HNF4G: variants seen among roughly 807,000 people sequenced by gnomAD.
HNF4G encodes hepatocyte nuclear factor 4-gamma.
Under a neutral mutation model 50.9 loss-of-function variants are expected in HNF4G, and 21 were observed. The observed-to-expected ratio is 0.41, with a 90% CI of 0.29 to 0.59. The LOEUF is 0.59. HNF4G is among the 20% of genes least tolerant of loss of function. The probability of loss-of-function intolerance (pLI) is 0.26; values close to 1 mark genes in which losing one functional copy is unlikely to be tolerated. For synonymous variants in HNF4G, 198 were observed against 185.6 expected, an observed-to-expected ratio of 1.07 and a Z score of -0.54; for missense variants, 527 against 559.4, an observed-to-expected ratio of 0.94 and a Z score of 0.58.
intron 1 of HNF4G, among the ~76,000 whole-genome samples, chr8:75,409,608 C>G (rs751178958): frequency 2.0e-5 from 3 of 150,956 alleles, no homozygotes; most frequent in African/African-American, 7.3e-5. Context: ...CCTTCCTCAG[C>G]CTCCAGAGTA....
intron 1 of HNF4G, among the ~76,000 whole-genome samples, chr8:75,464,911 G>T (rs997393355): frequency 6.6e-6 from 1 of 152,166 alleles, no homozygotes; most frequent in Admixed American, 6.5e-5. Flanking sequence ...AAGAACAAGA[G>T]AATATGTTGG....
chr8:75,459,812 C>T (rs1177223814), intron 1 of HNF4G, among the ~76,000 whole-genome samples: 3 of 152,240 alleles, frequency 2.0e-5, no homozygotes, highest in African/African-American at 7.2e-5. Context: ...CCTAGAAAAG[C>T]CCTCCAGGAC....
chr8:75,539,176 T>A (rs1806544038), upstream of HNF4G, among the ~76,000 whole-genome samples: 1 of 152,182 alleles, frequency 6.6e-6, no homozygotes, highest in African/African-American at 2.4e-5. Context: ...TATTTCAGTT[T>A]AATGACATCA....
intron 1 of HNF4G, among the ~76,000 whole-genome samples, chr8:75,442,609 A>G (rs886453558): frequency 6.6e-6 from 1 of 152,042 alleles, no homozygotes; most frequent in Admixed American, 6.6e-5. Context: ...AAATATGTTA[A>G]AAATAGGAAG....
At chr8:75,559,970 G>T (rs576827330) in intron 8 of HNF4G, among the ~76,000 whole-genome samples, 16 of 152,166 alleles carry the variant, frequency 1.1e-4, no homozygotes, top group African/African-American at 1.9e-4. Context: ...TGCATAATTT[G>T]TTCCTAATGA....
At position 75,411,283 on chromosome 8, in the gene HNF4G, G is replaced by A. The variant is rs75455022; in HGVS notation, c.-144+3121G>A. ...TTACACTACCCACAAACCAAACCAT[G>A]TCCCTTTGTTCTTGGCTGAATATTC... On this transcript the variant is annotated intron_variant, in intron 1 of 10. Transcript: ENST00000354370. Among the ~76,000 whole-genome samples the A allele has an allele frequency of 4.5e-3, 681 of 152,302 alleles. 3 individuals are homozygous for A. Among genetic ancestry groups the A allele is most frequent in the Non-Finnish European group, 7.3e-3 (495 of 68,032 alleles).
chr8:75,452,233 A>C (rs148435622), intron 1 of HNF4G, among the ~76,000 whole-genome samples: 7 of 152,282 alleles, frequency 4.6e-5, no homozygotes, highest in African/African-American at 1.4e-4. Context: ...AAAAGTTATA[A>C]TATTCATTGT....
At chr8:75,475,732 T>A (rs901891096) in intron 1 of HNF4G, among the ~76,000 whole-genome samples, 1 of 152,168 alleles carries the variant, frequency 6.6e-6, no homozygotes, top group African/African-American at 2.4e-5. Flanking sequence ...TTTATTGTTT[T>A]TATTTTAAAG....
intron 1 of HNF4G, among the ~76,000 whole-genome samples, chr8:75,441,047 G>A (rs924750876): frequency 3.3e-5 from 5 of 151,880 alleles, no homozygotes; most frequent in Non-Finnish European, 4.4e-5. Flanking sequence ...GTAGAGATAA[G>A]GTTTTGCTAT....
intron 2 of HNF4G, among the ~76,000 whole-genome samples, chr8:75,501,787 A>C (rs925224784): frequency 6.6e-6 from 1 of 152,168 alleles, no homozygotes; most frequent in African/African-American, 2.4e-5. Flanking sequence ...GGAATGACTG[A>C]ATCAAGCTAA....
At position 75,500,264 on chromosome 8, in the gene HNF4G, G is replaced by A. The variant is rs1478604503; in HGVS notation, c.-24+10056G>A. 2.0e-5 allele frequency among the ~76,000 whole-genome samples: 3 copies of A among 152,084 alleles called. No individual in the cohort carries two copies. In the East Asian group the frequency reaches 5.8e-4, roughly 29 times the overall value. ...ATATATAAACGAACAATAAGCACATGAAAAAATGTCCAACATCGTTAGTCA... is the reference window on the plus strand; with the variant it reads ...ATATATAAACGAACAATAAGCACATAAAAAAATGTCCAACATCGTTAGTCA... On this transcript the variant is annotated intron_variant, in intron 2 of 10. Transcript: ENST00000354370.
intron 2 of HNF4G, among the ~76,000 whole-genome samples, chr8:75,534,514 T>C (rs566261031): frequency 6.6e-6 from 1 of 151,922 alleles, no homozygotes; most frequent in Non-Finnish European, 1.5e-5. Flanking sequence ...TTAATAACGA[T>C]AGTTTTTACT....
intron 1 of HNF4G, among the ~76,000 whole-genome samples, chr8:75,413,828 G>T (rs967940424): frequency 6.6e-6 from 1 of 151,808 alleles, no homozygotes; most frequent in Non-Finnish European, 1.5e-5. Context: ...TTACACTCCA[G>T]CCTGGACGAC....
chr8:75,466,308 C>A (rs1358958175), intron 1 of HNF4G, among the ~76,000 whole-genome samples: 1 of 152,088 alleles, frequency 6.6e-6, no homozygotes, highest in East Asian at 1.9e-4. Flanking sequence ...CAACTTTTTT[C>A]TTTTCTCAAA....
intron 1 of HNF4G, among the ~76,000 whole-genome samples, chr8:75,444,606 TA>T (rs1192541856): frequency 8.1e-6 from 1 of 123,410 alleles, no homozygotes; most frequent in Non-Finnish European, 1.7e-5. Context: ...AATGGAAAAC[TA>T]AAAAAGGCAG....
At chr8:75,457,304 G>A (rs1418932215) in intron 1 of HNF4G, among the ~76,000 whole-genome samples, 2 of 152,162 alleles carry the variant, frequency 1.3e-5, no homozygotes, top group Non-Finnish European at 2.9e-5. Flanking sequence ...TTGTATTAAT[G>A]CTCTGGCACC....
intron 1 of HNF4G, among the ~76,000 whole-genome samples, chr8:75,435,288 A>T (rs890732862): frequency 2.6e-5 from 4 of 152,256 alleles, no homozygotes; most frequent in African/African-American, 9.6e-5. Flanking sequence ...TTTATAGGTT[A>T]AAAGTAAAAT....
At chr8:75,508,884 C>T (rs981401040) in intron 2 of HNF4G, among the ~76,000 whole-genome samples, 1 of 152,114 alleles carries the variant, frequency 6.6e-6, no homozygotes, top group Non-Finnish European at 1.5e-5. Flanking sequence ...ATCCTAAGAG[C>T]AGTGGAATGC....
intron 3 of HNF4G, among the ~76,000 whole-genome samples, chr8:75,549,052 C>T (rs368237986): frequency 6.6e-6 from 1 of 152,100 alleles, no homozygotes; most frequent in African/African-American, 2.4e-5. Context: ...ATGTTTATCC[C>T]CACAAAAGTG....
Sources: gnomAD v4.1 joint callset for allele counts (sites outside exome capture counted in the v4.1 genomes callset) on GRCh38, gnomAD v4.1.1 for gene constraint, MANE v1.5 for transcripts, NCBI Gene and HGNC (gene_info 2026-07-23, HGNC 2026-07-21) for gene names.